CENPC: variants seen among roughly 807,000 people sequenced by gnomAD.
CENPC encodes the protein CENP-C 1.
Under a neutral mutation model 112.1 loss-of-function variants are expected in CENPC, and 63 were observed. The ratio of observed to expected loss-of-function variants is 0.56; its 90% CI spans 0.46 to 0.69. The LOEUF is 0.69. Ranked by LOEUF, CENPC falls within the 30% of genes least tolerant of loss-of-function variation. The pLI, the probability that CENPC is intolerant of heterozygous loss-of-function variation, is 0.00. For missense variants in CENPC, 1,000 were observed against 1,103.8 expected, an observed-to-expected ratio of 0.91 and a Z score of 1.33; for synonymous variants, 333 against 367.6, an observed-to-expected ratio of 0.91 and a Z score of 1.08.
chr4:67,500,337 G>A (rs993700659), intron 12 of CENPC, among the ~76,000 whole-genome samples: 6 of 152,038 alleles, frequency 3.9e-5, no homozygotes, highest in African/African-American at 1.4e-4. Context: ...TATTGTATAT[G>A]GTGTGTACAT....
At chr4:67,537,062 C>A (rs1416439789) in intron 4 of CENPC, among the ~76,000 whole-genome samples, 2 of 147,294 alleles carry the variant, frequency 1.4e-5, no homozygotes, top group African/African-American at 2.5e-5. Context: ...GCATAAATAA[C>A]CAATGTCAGG....
intron 5 of CENPC, among the ~76,000 whole-genome samples, chr4:67,528,181 TC>T (rs1224134782): frequency 2.6e-5 from 4 of 152,158 alleles, no homozygotes; most frequent in Non-Finnish European, 4.4e-5. Context: ...AAAATTAGCC[TC>T]ATAATTTAAA....
At chr4:67,535,477 A>T (rs992025160) in intron 4 of CENPC, among the ~76,000 whole-genome samples, 2 of 152,086 alleles carry the variant, frequency 1.3e-5, no homozygotes, top group African/African-American at 2.4e-5. Context: ...GCTGAAAATG[A>T]TAAATTAATG....
intron 5 of CENPC, among the ~76,000 whole-genome samples, chr4:67,529,820 A>G (rs1726492367): frequency 6.6e-6 from 1 of 152,236 alleles, no homozygotes; most frequent in Admixed American, 6.5e-5. Flanking sequence ...GCAGTGGAAT[A>G]GTGAAGGTAT....
chr4:67,472,483 A>C lies in CENPC; in HGVS notation c.*122T>G. The C allele has an allele frequency of 8.2e-7, 1 of 1,216,834 alleles. No individual in the cohort carries two copies. The highest frequency in any genetic ancestry group is 1.0e-6 in the Non-Finnish European group (1 of 952,924). 75.4% of individuals were successfully genotyped at this position (1,216,834 alleles called of 1,614,324 possible). A position where few individuals can be genotyped will look rare whatever the true frequency, so the allele number is the denominator to read the frequency against. ...TGTTTATCAAATACAAGTCTACAGA[A>C]AACTGAATAAAATTTTTATTTTAAA... On this transcript the variant is annotated 3_prime_UTR_variant, in exon 19 of 19. Transcript: ENST00000273853.
chr4:67,492,396 CT>C (rs1323334954), intron 15 of CENPC, 121 bp from the exon 16 acceptor site: 2 of 564,744 alleles, frequency 3.5e-6, no homozygotes, highest in African/African-American at 3.8e-5. Context: ...AAAGAAGTCT[CT>C]TCCTATTTAT....
At chr4:67,499,303 C>A (rs1725526709) in intron 12 of CENPC, among the ~76,000 whole-genome samples, 1 of 152,182 alleles carries the variant, frequency 6.6e-6, no homozygotes, top group African/African-American at 2.4e-5. Context: ...CTATGAACGT[C>A]CTAGATGACA....
chr4:67,503,179 T>C (rs1429723216), intron 12 of CENPC, among the ~76,000 whole-genome samples: 1 of 152,128 alleles, frequency 6.6e-6, no homozygotes, highest in Non-Finnish European at 1.5e-5. Flanking sequence ...CTCTGTGACA[T>C]CATTTTTCCT....
At chr4:67,480,888 A>G (rs1342284125) in intron 17 of CENPC, among the ~76,000 whole-genome samples, 1 of 152,238 alleles carries the variant, frequency 6.6e-6, no homozygotes, top group Admixed American at 6.5e-5. Context: ...CTGAAAGAGG[A>G]CAAGGATGCC....
intron 17 of CENPC, among the ~76,000 whole-genome samples, chr4:67,482,962 C>T (rs949282534): frequency 3.3e-5 from 5 of 152,178 alleles, no homozygotes; most frequent in African/African-American, 1.2e-4. Flanking sequence ...GTAGTTGAAT[C>T]ATGGGGGCAG....
At position 67,518,204 on chromosome 4, in the gene CENPC, C is replaced by T. The variant is rs1560436210; in HGVS notation, c.782G>A (p.Ser261Asn). The T allele has an allele frequency of 3.2e-6, 5 of 1,556,530 alleles. No homozygotes were observed. The highest frequency in any genetic ancestry group is 2.3e-5 in the East Asian group (1 of 42,870). ...TGTTTCTAAAAACAATGTTGAAAAA[C>T]TTTTTTTAGCTTGTCGTTGAATTTC... ...EYEIQRQAKKSFSTLFLETVK... is the reference protein window; with the variant it reads ...EYEIQRQAKKNFSTLFLETVK... The change falls in exon 7 of 19, where the codon AGT becomes AAT. Residue 261 changes from serine to asparagine, a missense_variant. Transcript: ENST00000273853.
intron 5 of CENPC, among the ~76,000 whole-genome samples, chr4:67,528,975 C>A (rs1560440953): frequency 6.6e-6 from 1 of 152,144 alleles, no homozygotes; most frequent in African/African-American, 2.4e-5. Flanking sequence ...ATCTTCAACA[C>A]TTATTTTCCT....
intron 3 of CENPC, 74 bp from the exon 4 acceptor site, chr4:67,540,008 T>C (rs1726843378): frequency 1.4e-6 from 1 of 724,214 alleles, no homozygotes; most frequent in Non-Finnish European, 2.1e-6. Context: ...AAAGTAGCTG[T>C]ATATGACATG....
chr4:67,482,927 T>G (rs576397259), intron 17 of CENPC, among the ~76,000 whole-genome samples: 1 of 134,388 alleles, frequency 7.4e-6, no homozygotes, highest in African/African-American at 2.5e-5. Flanking sequence ...AATCCCCACA[T>G]GTCATGGGAG....
chr4:67,495,322 T>A, intron 12 of CENPC, 110 bp from the exon 13 acceptor site: 1 of 1,010,096 alleles, frequency 9.9e-7, no homozygotes, highest in Non-Finnish European at 1.4e-6. Context: ...AAGTTTGACC[T>A]GATAATGTAT....
At chr4:67,527,184 G>A (rs1312070451) in intron 5 of CENPC, among the ~76,000 whole-genome samples, 1 of 152,128 alleles carries the variant, frequency 6.6e-6, no homozygotes, top group Non-Finnish European at 1.5e-5. Context: ...GGGAAAAAGA[G>A]CTCAAATCAG....
chr4:67,488,051 A>T (rs1389294083), intron 17 of CENPC, among the ~76,000 whole-genome samples: 1 of 151,790 alleles, frequency 6.6e-6, no homozygotes, highest in African/African-American at 2.4e-5. Context: ...GAAGAAATAA[A>T]ATCAACTAAA....
intron 7 of CENPC, among the ~76,000 whole-genome samples, chr4:67,515,391 A>T (rs190952217): frequency 6.6e-6 from 1 of 151,824 alleles, no homozygotes; most frequent in Non-Finnish European, 1.5e-5. Context: ...ACTTGAACCC[A>T]GGAGGCAGAG....
At chr4:67,480,317 C>T (rs921841098) in intron 17 of CENPC, among the ~76,000 whole-genome samples, 3 of 151,736 alleles carry the variant, frequency 2.0e-5, no homozygotes, top group East Asian at 1.9e-4. Flanking sequence ...AAAACCCCGT[C>T]TCAAAAAGGA....
Sources: allele counts gnomAD v4.1 joint callset (sites outside exome capture counted in the v4.1 genomes callset), GRCh38; gene constraint gnomAD v4.1.1; transcripts MANE v1.5; gene names NCBI Gene and HGNC (gene_info 2026-07-23, HGNC 2026-07-21).